Variants in CHP1 observed in about 807,000 individuals in gnomAD.
CHP1 encodes calcineurin B homologous protein 1.
Under a neutral mutation model 27.4 loss-of-function variants are expected in CHP1, and 11 were observed. The observed-to-expected ratio is 0.40, with a 90% CI of 0.25 to 0.67. The LOEUF is 0.67. Among genes scored for constraint, CHP1 ranks in the 30% least tolerant of loss-of-function variants. The pLI, the probability that CHP1 is intolerant of heterozygous loss-of-function variation, is 0.38. For synonymous variants in CHP1, 89 were observed against 87.4 expected (o/e 1.02, Z -0.10); for missense variants, 169 against 251.3 (o/e 0.67, Z 2.22).
At chr15:41,234,105 A>G (rs969688905) in intron 1 of CHP1, 1 of 152,226 alleles carries the variant, frequency 6.6e-6, no homozygotes, top group East Asian at 1.9e-4. Flanking sequence ...GCATACCACC[A>G]TGCTTACCTG....
intron 5 of CHP1, among the ~76,000 whole-genome samples, chr15:41,278,352 G>GA (rs796661262): frequency 1.3e-5 from 2 of 149,970 alleles, no homozygotes; most frequent in South Asian, 2.1e-4. Flanking sequence ...AAAAAAAAAG[G>GA]AAAAAAAATT....
intron 1 of CHP1, chr15:41,234,040 C>T (rs145039611): frequency 6.6e-6 from 1 of 152,128 alleles, no homozygotes; most frequent in Non-Finnish European, 1.5e-5. Context: ...GCCTTAAACT[C>T]CTGGGCTTAA....
At chr15:41,249,056 C>T (rs1174796908) in intron 2 of CHP1, among the ~76,000 whole-genome samples, 1 of 152,200 alleles carries the variant, frequency 6.6e-6, no homozygotes, top group Non-Finnish European at 1.5e-5. Context: ...ATCCAGTTCT[C>T]TCCAGCCTTT....
intron 4 of CHP1, among the ~76,000 whole-genome samples, chr15:41,270,276 C>T (rs942036165): frequency 8.0e-5 from 12 of 150,220 alleles, no homozygotes; most frequent in African/African-American, 2.5e-4. Flanking sequence ...TGGGGGGGGG[C>T]GTTTAACATT....
intron 4 of CHP1, among the ~76,000 whole-genome samples, chr15:41,266,462 T>C (rs2047461294): frequency 6.6e-6 from 1 of 152,136 alleles, no homozygotes. Context: ...ATTCTAATTG[T>C]CTTCTTAAAT....
intron 4 of CHP1, among the ~76,000 whole-genome samples, chr15:41,268,804 C>A (rs572683148): frequency 4.6e-4 from 70 of 150,834 alleles, no homozygotes; most frequent in South Asian, 1.7e-3. Context: ...AACACACACA[C>A]AAAAAATTAG....
chr15:41,278,640 T>C, intron 5 of CHP1, 127 bp from the exon 6 acceptor site: 2 of 1,062,996 alleles, frequency 1.9e-6, no homozygotes, highest in Non-Finnish European at 2.7e-6. Context: ...AACATTATTA[T>C]GCAGTGCATG....
chr15:41,273,562 G>T (rs571641733), intron 5 of CHP1, among the ~76,000 whole-genome samples: 2 of 151,784 alleles, frequency 1.3e-5, no homozygotes, highest in Admixed American at 6.6e-5. Context: ...TGTATTTTTA[G>T]TAGAGACGGG....
intron 4 of CHP1, among the ~76,000 whole-genome samples, chr15:41,268,902 G>A (rs186421329): frequency 5.1e-4 from 77 of 152,102 alleles, no homozygotes; most frequent in African/African-American, 1.7e-3. Context: ...GGAGCTTGCC[G>A]TGAGCTGAGA....
chr15:41,273,121 C>G (rs190604522), intron 5 of CHP1, among the ~76,000 whole-genome samples: 3 of 151,474 alleles, frequency 2.0e-5, no homozygotes, highest in African/African-American at 7.3e-5. Context: ...TTGTAAAAAT[C>G]CTAAACAAAA....
In CHP1 at chr15:41,281,783, C is replaced by T. The variant is rs1237291447; in HGVS notation, c.*2394C>T. ...AGTTCCTAAGGTTATAGATTTTCCCCCCTTTTGGCTGTATAGCAAAGTGTT... is the reference window on the plus strand; with the variant it reads ...AGTTCCTAAGGTTATAGATTTTCCCTCCTTTTGGCTGTATAGCAAAGTGTT... On this transcript the variant is annotated 3_prime_UTR_variant, in exon 7 of 7. Transcript: ENST00000334660. 6.6e-6 allele frequency: 1 copy of T among 152,602 alleles called. No homozygotes were observed. Among genetic ancestry groups the T allele is most frequent in the Non-Finnish European group, 1.5e-5 (1 of 68,034 alleles). The allele number at this position is 152,602 out of a possible 1,614,324, so 9.5% of individuals were successfully genotyped here. A position where few individuals can be genotyped will look rare whatever the true frequency, so the allele number is the denominator to read the frequency against.
chr15:41,257,896 G>A (rs2047408730), intron 3 of CHP1, among the ~76,000 whole-genome samples: 1 of 152,128 alleles, frequency 6.6e-6, no homozygotes, highest in Admixed American at 6.6e-5. Flanking sequence ...AATCCAGTGT[G>A]TAATTTACAC....
At chr15:41,271,106 T>A (rs1595481971) in intron 5 of CHP1, among the ~76,000 whole-genome samples, 1 of 151,856 alleles carries the variant, frequency 6.6e-6, no homozygotes. Flanking sequence ...ATACAAAAAA[T>A]TAGCCGGGTG....
intron 2 of CHP1, among the ~76,000 whole-genome samples, chr15:41,244,792 G>A (rs899804366): frequency 7.2e-5 from 11 of 152,176 alleles, no homozygotes; most frequent in Non-Finnish European, 1.3e-4. Flanking sequence ...ATAATCAAAT[G>A]AAATATTCTT....
chr15:41,264,109 C>T, intron 4 of CHP1: 1 of 899,656 alleles, frequency 1.1e-6, no homozygotes, highest in Non-Finnish European at 1.6e-6. Context: ...ATTATGGTCA[C>T]ATGGCAGCTC....
chr15:41,233,024 G>A (rs1238562844), intron 1 of CHP1, among the ~76,000 whole-genome samples: 2 of 152,130 alleles, frequency 1.3e-5, no homozygotes, highest in African/African-American at 2.4e-5. Context: ...CACCTACCAA[G>A]GCAGTCCTTT....
intron 4 of CHP1, among the ~76,000 whole-genome samples, chr15:41,265,223 G>A (rs1277580003): frequency 6.6e-6 from 1 of 151,742 alleles, no homozygotes; most frequent in Non-Finnish European, 1.5e-5. Flanking sequence ...AATTAGCCAG[G>A]CATAATGGTG....
intron 1 of CHP1, among the ~76,000 whole-genome samples, chr15:41,242,462 A>T (rs552850903): frequency 4.6e-5 from 7 of 152,160 alleles, no homozygotes; most frequent in Non-Finnish European, 8.8e-5. Flanking sequence ...CAATCAAAAC[A>T]TGCATTTTTT....
At chr15:41,269,452 T>C (rs903682347) in intron 4 of CHP1, among the ~76,000 whole-genome samples, 1 of 152,204 alleles carries the variant, frequency 6.6e-6, no homozygotes, top group Non-Finnish European at 1.5e-5. Flanking sequence ...TGCCTAATAA[T>C]CGCTCTGCCT....
Sources: allele counts gnomAD v4.1 joint callset (sites outside exome capture counted in the v4.1 genomes callset), GRCh38; gene constraint gnomAD v4.1.1; transcripts MANE v1.5; gene names NCBI Gene and HGNC (gene_info 2026-07-23, HGNC 2026-07-21).